MAPK4: variants seen among roughly 807,000 people sequenced by gnomAD.
MAPK4 encodes Erk3-related.
A neutral mutation model predicts 47.7 loss-of-function variants in MAPK4; 22 were observed. The observed-to-expected ratio is 0.46, with a 90% confidence interval of 0.33 to 0.66. The LOEUF is 0.66. Among genes scored for constraint, MAPK4 ranks in the 30% least tolerant of loss-of-function variants. The probability of loss-of-function intolerance (pLI) is 0.02; values close to 1 mark genes in which losing one functional copy is unlikely to be tolerated. For synonymous variants in MAPK4, 390 were observed against 365.7 expected (o/e 1.07, Z -0.76); for missense variants, 736 against 831.7 (o/e 0.88, Z 1.42).
intron 1 of MAPK4, among the ~76,000 whole-genome samples, chr18:50,615,629 T>C (rs2042678352): frequency 6.6e-6 from 1 of 152,180 alleles, no homozygotes. Context: ...AGGGTCTAAC[T>C]CAAAGTTATA....
chr18:50,711,476 T>C (rs1278284882), intron 2 of MAPK4, among the ~76,000 whole-genome samples: 1 of 152,260 alleles, frequency 6.6e-6, no homozygotes, highest in African/African-American at 2.4e-5. Flanking sequence ...TGTGGGAGTG[T>C]GCACTTCATG....
At chr18:50,677,811 T>C (rs528547063) in intron 2 of MAPK4, among the ~76,000 whole-genome samples, 1 of 152,278 alleles carries the variant, frequency 6.6e-6, no homozygotes, top group East Asian at 1.9e-4. Flanking sequence ...TGCCTCTGCT[T>C]CCCAAAGTGC....
At chr18:50,577,997 A>T (rs570685320) in intron 1 of MAPK4, among the ~76,000 whole-genome samples, 14 of 152,336 alleles carry the variant, frequency 9.2e-5, no homozygotes, top group Admixed American at 1.3e-4. Flanking sequence ...ATTTAGCCTT[A>T]GGTGAACTCT....
intron 2 of MAPK4, among the ~76,000 whole-genome samples, chr18:50,684,078 A>T (rs969483816): frequency 6.6e-6 from 1 of 152,124 alleles, no homozygotes; most frequent in Non-Finnish European, 1.5e-5. Context: ...TGTTGTGCAG[A>T]TGGAGGGTGC....
chr18:50,573,451 G>A (rs1234083947), intron 1 of MAPK4, among the ~76,000 whole-genome samples: 1 of 152,168 alleles, frequency 6.6e-6, no homozygotes, highest in South Asian at 2.1e-4. Flanking sequence ...ATTCTCATAG[G>A]AGCACAAACC....
intron 2 of MAPK4, among the ~76,000 whole-genome samples, chr18:50,676,347 G>C (rs938913878): frequency 2.0e-5 from 3 of 152,178 alleles, no homozygotes; most frequent in Non-Finnish European, 4.4e-5. Context: ...CAAAGGCCTA[G>C]CCACTAGACA....
chr18:50,707,339 G>A (rs1427219748), intron 2 of MAPK4, among the ~76,000 whole-genome samples: 1 of 152,106 alleles, frequency 6.6e-6, no homozygotes, highest in Non-Finnish European at 1.5e-5. Context: ...GGCTGAGGAG[G>A]CAGGTGGATC....
At position 50,729,767 on chromosome 18, in the gene MAPK4, T is replaced by C; in HGVS notation, c.1677T>C (p.Asn559=). The part of the protein sequence containing the change: ...LCTKPEDLPD[N]KLGDLNGACI... ...CCAAGCCCGAGGACCTGCCGGACAA[T>C]AAACTGGGCGACCTCAATGGTGCGT... is the stretch of plus-strand genomic sequence containing the variant. Residue 559 remains asparagine (N), a synonymous_variant, in exon 6 of 6, where the codon AAT becomes AAC. Coordinates refer to ENST00000400384, the MANE Select transcript of MAPK4 (RefSeq NM_002747.4). 6.2e-7 allele frequency: 1 copy of C among 1,611,594 alleles called. No homozygotes were observed. Among genetic ancestry groups the C allele is most frequent in the East Asian group, 2.2e-5 (1 of 44,818 alleles).
At chr18:50,706,651 C>A (rs951065970) in intron 2 of MAPK4, among the ~76,000 whole-genome samples, 1 of 152,138 alleles carries the variant, frequency 6.6e-6, no homozygotes, top group Non-Finnish European at 1.5e-5. Flanking sequence ...ATCACTTTGG[C>A]CTAGCAGGGC....
At chr18:50,630,628 T>C (rs962620993) in intron 1 of MAPK4, among the ~76,000 whole-genome samples, 1 of 152,222 alleles carries the variant, frequency 6.6e-6, no homozygotes, top group Admixed American at 6.5e-5. Flanking sequence ...TTCAAGGTCC[T>C]AACTAAAATT....
chr18:50,613,229 C>G (rs911130548), intron 1 of MAPK4, among the ~76,000 whole-genome samples: 1 of 152,164 alleles, frequency 6.6e-6, no homozygotes, highest in African/African-American at 2.4e-5. Flanking sequence ...TTATAGAAGA[C>G]TCTGTCTTAG....
chr18:50,642,834 A>T (rs972669824), intron 1 of MAPK4, among the ~76,000 whole-genome samples: 1 of 152,180 alleles, frequency 6.6e-6, no homozygotes, highest in South Asian at 2.1e-4. Flanking sequence ...CGAACTCCTG[A>T]CCTCAGGTAA....
At chr18:50,686,548 C>T (rs1908889864) in intron 2 of MAPK4, among the ~76,000 whole-genome samples, 1 of 152,222 alleles carries the variant, frequency 6.6e-6, no homozygotes, top group Admixed American at 6.5e-5. Context: ...ACCGACACAA[C>T]TTCATACCTG....
At chr18:50,707,257 T>C (rs915916244) in intron 2 of MAPK4, among the ~76,000 whole-genome samples, 2 of 152,098 alleles carry the variant, frequency 1.3e-5, no homozygotes, top group African/African-American at 4.8e-5. Context: ...GGACAGACTT[T>C]CAGTTTTGCA....
intron 1 of MAPK4, among the ~76,000 whole-genome samples, chr18:50,598,788 T>C (rs1301701748): frequency 2.6e-5 from 4 of 152,228 alleles, no homozygotes; most frequent in Non-Finnish European, 5.9e-5. Flanking sequence ...TTCATGACTT[T>C]GGCAGTCTTG....
At chr18:50,722,240 G>A in intron 4 of MAPK4, 141 bp downstream of exon 4, 3 of 953,186 alleles carry the variant, frequency 3.1e-6, no homozygotes, top group Non-Finnish European at 3.0e-6. Flanking sequence ...CCCTGCCAGT[G>A]GGCCTTTGCC....
intron 2 of MAPK4, among the ~76,000 whole-genome samples, chr18:50,692,826 C>T (rs1909299196): frequency 6.6e-6 from 1 of 152,140 alleles, no homozygotes. Flanking sequence ...GGCAGGAGAA[C>T]ACCGAGTTAG....
At chr18:50,639,052 G>A (rs1355608152) in intron 1 of MAPK4, among the ~76,000 whole-genome samples, 2 of 152,194 alleles carry the variant, frequency 1.3e-5, no homozygotes, top group Admixed American at 6.5e-5. Context: ...CCAGGCAGAT[G>A]GGGGAGAGCA....
intron 1 of MAPK4, among the ~76,000 whole-genome samples, chr18:50,642,599 G>C (rs1340579060): frequency 2.0e-5 from 3 of 152,212 alleles, no homozygotes. Context: ...GGAAGCATGA[G>C]TTGAACAACC....
Sources: allele counts gnomAD v4.1 joint callset (sites outside exome capture counted in the v4.1 genomes callset), GRCh38; gene constraint gnomAD v4.1.1; transcripts MANE v1.5; gene names NCBI Gene and HGNC (gene_info 2026-07-23, HGNC 2026-07-21).